The following TEK variants were observed in gnomAD, a reference collection of about 807,000 sequenced individuals.
The protein encoded by TEK is angiopoietin-1 receptor.
In TEK, 43 loss-of-function variants were observed where a neutral mutation model predicts 131.8. The observed-to-expected ratio is 0.33, with a 90% CI of 0.26 to 0.42. The LOEUF is 0.42. TEK is among the 10% of genes least tolerant of loss of function. The pLI is 1.00. For missense variants in TEK, 1,162 were observed against 1,384.4 expected (o/e 0.84, Z 2.55); for synonymous variants, 580 against 491.6 (o/e 1.18, Z -2.38).
chr9:27,194,316 C>T (rs1824929268), intron 11 of TEK, among the ~76,000 whole-genome samples: 1 of 152,180 alleles, frequency 6.6e-6, no homozygotes, highest in Non-Finnish European at 1.5e-5. Context: ...ATCCTTCCTT[C>T]ACACCACCCA....
rs1824859821 is a variant in TEK, at chr9:27,192,535, A to C, written c.1536A>C (p.Glu512Asp). ...TCAACTATTTGGAACCTCGGACAGA[A>C]TATGAACTCTGTGTGCAACTGGTCC... ...VTLNYLEPRT[E>D]YELCVQLVRR... Residue 512 changes from glutamate (E) to aspartate (D), a missense_variant, in exon 11 of 23, where the codon GAA becomes GAC. Transcript: ENST00000380036. 1 of 1,613,990 alleles carries C rather than the reference A, an allele frequency of 6.2e-7. No individual in the cohort carries two copies. Among genetic ancestry groups the C allele is most frequent in the Non-Finnish European group, 8.5e-7 (1 of 1,179,894 alleles).
At chr9:27,168,755 A>G in intron 3 of TEK, 150 bp downstream of exon 3, 1 of 694,214 alleles carries the variant, frequency 1.4e-6, no homozygotes. Flanking sequence ...TGTATGATAG[A>G]AGCCCTCTTA....
chr9:27,225,865 T>C (rs1826302556), intron 21 of TEK, among the ~76,000 whole-genome samples: 1 of 152,110 alleles, frequency 6.6e-6, no homozygotes. Context: ...ATCCAGAATC[T>C]ACAAAGCACT....
intron 1 of TEK, among the ~76,000 whole-genome samples, chr9:27,113,320 T>A (rs1821418524): frequency 2.0e-5 from 3 of 152,144 alleles, no homozygotes; most frequent in African/African-American, 7.2e-5. Context: ...GGCCTGGTGC[T>A]GTGGCTCACA....
At chr9:27,129,751 G>A (rs540125975) in intron 1 of TEK, among the ~76,000 whole-genome samples, 4 of 152,284 alleles carry the variant, frequency 2.6e-5, no homozygotes, top group African/African-American at 7.2e-5. Flanking sequence ...ATTCCTGACA[G>A]AATAAGCATT....
At chr9:27,121,753 A>C (rs746971731) in intron 1 of TEK, among the ~76,000 whole-genome samples, 97 of 152,216 alleles carry the variant, frequency 6.4e-4, no homozygotes, top group Non-Finnish European at 9.8e-4. Flanking sequence ...CTCAGTAAGA[A>C]TCACAAAAGT....
intron 2 of TEK, among the ~76,000 whole-genome samples, chr9:27,158,906 G>T (rs373315237): frequency 2.0e-5 from 3 of 152,128 alleles, no homozygotes; most frequent in African/African-American, 4.8e-5. Context: ...TGATCTGCCC[G>T]CCATGGCCTC....
chr9:27,130,179 G>A (rs1470391585), intron 1 of TEK, among the ~76,000 whole-genome samples: 3 of 152,170 alleles, frequency 2.0e-5, no homozygotes, highest in Non-Finnish European at 2.9e-5. Flanking sequence ...TGTAATAACA[G>A]TGTTACAGTT....
At chr9:27,217,801 A>G in intron 19 of TEK, 43 bp downstream of exon 19, 1 of 1,534,504 alleles carries the variant, frequency 6.5e-7, no homozygotes, top group Non-Finnish European at 9.0e-7. Context: ...TTTCCCTCCC[A>G]GAAACATATA....
intron 16 of TEK, among the ~76,000 whole-genome samples, chr9:27,211,651 G>A (rs1044855678): frequency 2.6e-5 from 4 of 151,500 alleles, no homozygotes; most frequent in African/African-American, 9.7e-5. Context: ...TTTATTTTTT[G>A]TAGAGATTAG....
intron 16 of TEK, 147 bp from the exon 17 acceptor site, chr9:27,212,560 T>C: frequency 1.2e-6 from 1 of 844,464 alleles, no homozygotes; most frequent in Non-Finnish European, 1.9e-6. Flanking sequence ...CCCGTCTTCC[T>C]CCTGTCCCCC....
intron 18 of TEK, 38 bp downstream of exon 18, chr9:27,213,635 G>A (rs749041802): frequency 1.0e-5 from 15 of 1,489,432 alleles, no homozygotes; most frequent in African/African-American, 6.9e-5. Flanking sequence ...CATCCTTTCC[G>A]AGGTACTCCC....
At chr9:27,195,765 C>T in intron 11 of TEK, 1 of 450,028 alleles carries the variant, frequency 2.2e-6, no homozygotes, top group African/African-American at 2.0e-5. Context: ...CATCCATTTT[C>T]TCACTTATTA....
intron 10 of TEK, 83 bp from the exon 11 acceptor site, chr9:27,192,406 T>A: frequency 6.5e-7 from 1 of 1,545,510 alleles, no homozygotes; most frequent in Non-Finnish European, 8.9e-7. Flanking sequence ...CTAAAATTAG[T>A]TCACATCGCA....
intron 6 of TEK, among the ~76,000 whole-genome samples, chr9:27,177,563 C>G (rs878975688): frequency 6.6e-6 from 1 of 152,162 alleles, no homozygotes; most frequent in Non-Finnish European, 1.5e-5. Flanking sequence ...CCAGCCTGAC[C>G]AACAACGAGA....
In TEK at chr9:27,197,511, C is replaced by A. The variant is rs770212816; in HGVS notation, c.1821C>A (p.Pro607=). 12 of 1,613,900 alleles carry A rather than the reference C, an allele frequency of 7.4e-6. No homozygotes were observed. The African/African-American group carries it at 1.6e-4, about 22-fold the overall frequency. ...LTSVLLNNLH[P]REQYVVRARV... ...CGGTGCTACTTAACAACTTACATCCCAGGGAGCAGTACGTGGTCCGAGCTA... is the reference window on the plus strand; with the variant it reads ...CGGTGCTACTTAACAACTTACATCCAAGGGAGCAGTACGTGGTCCGAGCTA... The change falls in exon 12 of 23, where the codon CCC becomes CCA. Residue 607 remains proline, a synonymous_variant. Transcript: ENST00000380036.
chr9:27,168,447 G>A (rs1251358410), intron 2 of TEK, 48 bp from the exon 3 acceptor site: 2 of 1,450,518 alleles, frequency 1.4e-6, no homozygotes, highest in African/African-American at 1.4e-5. Context: ...TGCTCCTGGA[G>A]AAAATGTGTG....
At position 27,180,230 on chromosome 9, in the gene TEK, C is replaced by G; in HGVS notation, c.902-10C>G. ...GATTAATACTGGTTTTTTGATGTCT[C>G]TGTTTACAGCATGCCACCCTGGTTT... On this transcript the variant is annotated splice_polypyrimidine_tract_variant and intron_variant, in intron 6 of 22. Transcript: ENST00000380036. 4 of 1,613,662 alleles carry G rather than the reference C, an allele frequency of 2.5e-6. No individual in the cohort carries two copies. The highest frequency in any genetic ancestry group is 3.4e-6 in the Non-Finnish European group (4 of 1,179,702).
chr9:27,220,889 C>T (rs1236785258), intron 21 of TEK, among the ~76,000 whole-genome samples: 1 of 152,226 alleles, frequency 6.6e-6, no homozygotes, highest in African/African-American at 2.4e-5. Flanking sequence ...GCAGGAGTTT[C>T]TTTTCATACC....
Sources: allele counts gnomAD v4.1 joint callset (sites outside exome capture counted in the v4.1 genomes callset), GRCh38; gene constraint gnomAD v4.1.1; transcripts MANE v1.5; gene names NCBI Gene and HGNC (gene_info 2026-07-23, HGNC 2026-07-21).